CHCHD3: variants seen among roughly 807,000 people sequenced by gnomAD.
CHCHD3 encodes the protein coiled-coil-helix-coiled-coil-helix domain containing 3.
CHCHD3 carries 20 observed loss-of-function variants against 38.2 expected under a neutral mutation model. The ratio of observed to expected loss-of-function variants is 0.52; its 90% CI spans 0.37 to 0.76. The LOEUF (loss-of-function observed/expected upper bound fraction) is 0.76, where lower values mean the gene tolerates loss of function less well. CHCHD3 is among the 30% of genes least tolerant of loss of function. The probability of loss-of-function intolerance (pLI) is 0.00; values close to 1 mark genes in which losing one functional copy is unlikely to be tolerated. For missense variants in CHCHD3, 245 were observed against 279.2 expected (o/e 0.88, Z 0.87); for synonymous variants, 82 against 100.0 (o/e 0.82, Z 1.07).
At chr7:132,988,277 C>A (rs1450025679) in intron 3 of CHCHD3, among the ~76,000 whole-genome samples, 3 of 148,576 alleles carry the variant, frequency 2.0e-5, no homozygotes, top group Non-Finnish European at 4.5e-5. Context: ...TGCATTCTTA[C>A]AGAAAATACA....
At chr7:132,813,121 T>G (rs1356616456) in intron 6 of CHCHD3, among the ~76,000 whole-genome samples, 2 of 152,224 alleles carry the variant, frequency 1.3e-5, no homozygotes, top group Admixed American at 1.3e-4. Context: ...TTGTCACATC[T>G]GCCAAACACC....
chr7:133,023,728 A>T (rs547042733), intron 3 of CHCHD3, among the ~76,000 whole-genome samples: 6 of 152,240 alleles, frequency 3.9e-5, no homozygotes, highest in South Asian at 2.1e-4. Flanking sequence ...AGTAGTATTT[A>T]AAAAAAATGC....
At chr7:133,078,912 G>A (rs1784072945) in intron 1 of CHCHD3, among the ~76,000 whole-genome samples, 1 of 152,190 alleles carries the variant, frequency 6.6e-6, no homozygotes, top group African/African-American at 2.4e-5. Context: ...GAAGTTTGGT[G>A]CCTCATCGGC....
At chr7:132,797,681 AC>A (rs1305381811) in intron 6 of CHCHD3, among the ~76,000 whole-genome samples, 2 of 152,210 alleles carry the variant, frequency 1.3e-5, no homozygotes, top group Non-Finnish European at 2.9e-5. Flanking sequence ...ACTTATACTT[AC>A]AAATCTCAGA....
chr7:133,065,274 G>A (rs541415158), intron 2 of CHCHD3, among the ~76,000 whole-genome samples: 3 of 152,088 alleles, frequency 2.0e-5, no homozygotes, highest in East Asian at 1.9e-4. Context: ...CTTTACATGC[G>A]AATACTTACT....
At chr7:132,834,690 G>C (rs1807732391) in intron 6 of CHCHD3, among the ~76,000 whole-genome samples, 1 of 152,162 alleles carries the variant, frequency 6.6e-6, no homozygotes, top group Non-Finnish European at 1.5e-5. Flanking sequence ...GCATAGGACT[G>C]AGCCTGGGGG....
intron 4 of CHCHD3, among the ~76,000 whole-genome samples, chr7:132,892,150 T>C (rs951850207): frequency 6.6e-6 from 1 of 152,120 alleles, no homozygotes; most frequent in African/African-American, 2.4e-5. Flanking sequence ...TTGGGACAAT[T>C]TGGAGATCTC....
At chr7:133,053,653 T>A (rs1344505973) in intron 2 of CHCHD3, among the ~76,000 whole-genome samples, 1 of 152,170 alleles carries the variant, frequency 6.6e-6, no homozygotes, top group Admixed American at 6.6e-5. Context: ...ATCTGAAGCA[T>A]CCCATTCTTC....
chr7:133,047,877 C>T (rs1402291002), intron 2 of CHCHD3, among the ~76,000 whole-genome samples: 1 of 152,038 alleles, frequency 6.6e-6, no homozygotes, highest in Middle Eastern at 3.2e-3. Flanking sequence ...CACCAGAGGT[C>T]GGGAGTTCGA....
At chr7:133,029,871 A>G (rs1005964332) in intron 2 of CHCHD3, among the ~76,000 whole-genome samples, 5 of 152,152 alleles carry the variant, frequency 3.3e-5, no homozygotes, top group African/African-American at 9.7e-5. Context: ...GAGGACAACA[A>G]CAGCAATGAA....
chr7:132,978,044 G>A (rs1034383106), intron 3 of CHCHD3, among the ~76,000 whole-genome samples: 8 of 152,134 alleles, frequency 5.3e-5, no homozygotes, highest in Admixed American at 5.2e-4. Flanking sequence ...AATCTCCGGT[G>A]AGTCCTGTTA....
At chr7:132,877,101 T>C (rs1412159296) in intron 5 of CHCHD3, among the ~76,000 whole-genome samples, 1 of 152,096 alleles carries the variant, frequency 6.6e-6, no homozygotes, top group East Asian at 1.9e-4. Flanking sequence ...CCTCTAAAGT[T>C]AGACATAGAA....
intron 3 of CHCHD3, among the ~76,000 whole-genome samples, chr7:132,995,039 T>G (rs1358815506): frequency 1.3e-5 from 2 of 152,122 alleles, no homozygotes; most frequent in Non-Finnish European, 2.9e-5. Flanking sequence ...ACTAAAAAAG[T>G]TCAAAAACAA....
At chr7:132,950,863 T>C (rs4731921) in intron 4 of CHCHD3, among the ~76,000 whole-genome samples, 31,543 of 152,164 alleles carry the variant, frequency 0.21, 3,564 homozygotes, top group South Asian at 0.27. Flanking sequence ...ATATTTTTCC[T>C]TGATGCATTC....
At chr7:133,069,996 C>A (rs1024723281) in intron 2 of CHCHD3, 146 bp downstream of exon 2, 9 of 608,922 alleles carry the variant, frequency 1.5e-5, no homozygotes, top group South Asian at 1.2e-4. Context: ...TTAAAAGAAA[C>A]CCCAATACTG....
At chr7:132,818,622 T>C (rs889677367) in intron 6 of CHCHD3, among the ~76,000 whole-genome samples, 2 of 152,206 alleles carry the variant, frequency 1.3e-5, no homozygotes, top group Non-Finnish European at 2.9e-5. Context: ...GAAGATGCTG[T>C]GTTTTCAAGT....
intron 5 of CHCHD3, among the ~76,000 whole-genome samples, chr7:132,880,049 G>A (rs893496362): frequency 6.6e-6 from 1 of 152,002 alleles, no homozygotes; most frequent in African/African-American, 2.4e-5. Context: ...TAGGTTATGA[G>A]GTAGCATTAA....
At chr7:132,967,388 G>T (rs999511159) in intron 4 of CHCHD3, among the ~76,000 whole-genome samples, 1 of 152,098 alleles carries the variant, frequency 6.6e-6, no homozygotes, top group Non-Finnish European at 1.5e-5. Flanking sequence ...AGTCTTGGCA[G>T]TGAGTTCTCC....
chr7:132,947,182 A>G (rs1810921647), intron 4 of CHCHD3, among the ~76,000 whole-genome samples: 1 of 152,016 alleles, frequency 6.6e-6, no homozygotes, highest in South Asian at 2.1e-4. Flanking sequence ...ACTACTGTTA[A>G]TGCTTTAAAT....
Sources: gnomAD v4.1 joint callset for allele counts (sites outside exome capture counted in the v4.1 genomes callset) on GRCh38, gnomAD v4.1.1 for gene constraint, MANE v1.5 for transcripts, NCBI Gene and HGNC (gene_info 2026-07-23, HGNC 2026-07-21) for gene names.